Variants in ZMIZ1 observed in about 807,000 individuals in gnomAD.
The protein encoded by ZMIZ1 is zinc finger MIZ domain-containing protein 1.
A neutral mutation model predicts 113.9 loss-of-function variants in ZMIZ1; 17 were observed. The observed-to-expected ratio is 0.15, with a 90% CI of 0.10 to 0.22. The LOEUF (loss-of-function observed/expected upper bound fraction) is 0.22. Ranked by LOEUF, ZMIZ1 falls within the 10% of genes least tolerant of loss-of-function variation. The probability of loss-of-function intolerance (pLI) is 1.00; values close to 1 mark genes in which losing one functional copy is unlikely to be tolerated. For synonymous variants in ZMIZ1, 607 were observed against 603.1 expected (o/e 1.01, Z -0.09); for missense variants, 1,059 against 1,477.8 (o/e 0.72, Z 4.65).
intron 2 of ZMIZ1, among the ~76,000 whole-genome samples, chr10:79,121,704 A>C (rs1031772112): frequency 5.3e-5 from 8 of 152,278 alleles, no homozygotes; most frequent in Admixed American, 3.3e-4. Context: ...CAGCACAGGG[A>C]GCCAAGGTTC....
chr10:79,298,437 C>T lies in ZMIZ1; in HGVS notation c.1523C>T (p.Pro508Leu). The T allele has an allele frequency of 6.2e-7, 1 of 1,609,842 alleles. No homozygotes were observed. The highest frequency in any genetic ancestry group is 8.5e-7 in the Non-Finnish European group (1 of 1,178,076). ...AGGCCGGTTCCTGTGGCAAATTACC[C>T]CCACTCACCTGTTCCAGGGAACCCC... ...PPRPVPVANY[P>L]HSPVPGNPTP... The change falls in exon 15 of 25, where the codon CCC becomes CTC. Residue 508 changes from proline (P) to leucine (L), a missense_variant. By Grantham distance (98) the Pro-to-Leu change is moderately conservative. This residue lies in a region of ZMIZ1 where 239 missense variants were observed against 247.5 expected (regional missense o/e 0.97). Coordinates refer to ENST00000334512, the MANE Select transcript of ZMIZ1 (RefSeq NM_020338.4).
chr10:79,303,954 A>AC, intron 18 of ZMIZ1, 61 bp from the exon 19 acceptor site: 3 of 1,603,060 alleles, frequency 1.9e-6, no homozygotes, highest in Non-Finnish European at 8.5e-7. Context: ...GCACGTGCAG[A>AC]CCCCCTACCT....
chr10:79,072,953 C>T (rs78189505), intron 1 of ZMIZ1, among the ~76,000 whole-genome samples: 4,508 of 152,288 alleles, frequency 0.03, 110 homozygotes, highest in Middle Eastern at 0.048. Context: ...GGCAGCAATC[C>T]ACCTGGCTGT....
intron 12 of ZMIZ1, chr10:79,294,441 A>G (rs1418269583): frequency 1.3e-5 from 2 of 152,410 alleles, no homozygotes; most frequent in Non-Finnish European, 2.9e-5. Context: ...GTGAGGTTTT[A>G]GCAGGAAAGA....
intron 12 of ZMIZ1, chr10:79,295,759 G>C (rs1372140121): frequency 1.3e-5 from 2 of 152,288 alleles, no homozygotes; most frequent in Non-Finnish European, 2.9e-5. Flanking sequence ...CTGGGCAAGA[G>C]AGACACTCAG....
intron 1 of ZMIZ1, among the ~76,000 whole-genome samples, chr10:79,110,182 A>G (rs1279367954): frequency 5.9e-5 from 9 of 152,226 alleles, no homozygotes; most frequent in Non-Finnish European, 1.3e-4. Flanking sequence ...TAGATTCCTC[A>G]TCTTTCCAGC....
chr10:79,100,081 C>A (rs1472401078), intron 1 of ZMIZ1, among the ~76,000 whole-genome samples: 2 of 152,100 alleles, frequency 1.3e-5, no homozygotes, highest in Non-Finnish European at 2.9e-5. Flanking sequence ...CCCTGGATGA[C>A]TGGTCCTGGC....
At position 79,231,945 on chromosome 10, in the gene ZMIZ1, T is replaced by C. The variant is rs114640720; in HGVS notation, c.280+15671T>C. Among the ~76,000 whole-genome samples the C allele has an allele frequency of 8.8e-3, 1,343 of 152,328 alleles. 26 individuals are homozygous for C. The highest frequency in any genetic ancestry group is 0.03 in the African/African-American group (1,266 of 41,570). On this transcript the variant is annotated intron_variant, in intron 7 of 24. Transcript: ENST00000334512. ...AGTCCAGTGAGACTGAGGCTGGCTC[T>C]TGGGTGGCCAGTGGAGGCACTGGGC...
chr10:79,281,270 C>T (rs1016362716), intron 8 of ZMIZ1, among the ~76,000 whole-genome samples: 18 of 152,282 alleles, frequency 1.2e-4, no homozygotes, highest in African/African-American at 4.3e-4. Flanking sequence ...AAATAAGACT[C>T]ACTGGGGCCA....
intron 1 of ZMIZ1, among the ~76,000 whole-genome samples, chr10:79,093,117 A>G (rs1843034826): frequency 8.0e-6 from 1 of 125,726 alleles, no homozygotes. Context: ...TATTCTTTCT[A>G]CCACCCCCCC....
At chr10:79,242,059 A>T (rs1589469361) in intron 7 of ZMIZ1, among the ~76,000 whole-genome samples, 1 of 151,922 alleles carries the variant, frequency 6.6e-6, no homozygotes, top group Non-Finnish European at 1.5e-5. Context: ...TATAAAATAC[A>T]GTTTCTCCCG....
intron 5 of ZMIZ1, among the ~76,000 whole-genome samples, chr10:79,204,023 A>G (rs1848212263): frequency 6.6e-6 from 1 of 152,234 alleles, no homozygotes. Flanking sequence ...ATCTCCGGTC[A>G]GACACAGCTC....
intron 1 of ZMIZ1, among the ~76,000 whole-genome samples, chr10:79,092,092 TG>T (rs1022898416): frequency 6.6e-6 from 1 of 152,110 alleles, no homozygotes; most frequent in Non-Finnish European, 1.5e-5. Flanking sequence ...CAGCAGCAGC[TG>T]GGGCTTCTGA....
At chr10:79,116,878 T>A (rs1358007107) in intron 1 of ZMIZ1, among the ~76,000 whole-genome samples, 1 of 152,258 alleles carries the variant, frequency 6.6e-6, no homozygotes, top group Non-Finnish European at 1.5e-5. Flanking sequence ...TGCTGTGAGT[T>A]ATCTCCTGCT....
chr10:79,230,752 T>A (rs1849363986), intron 7 of ZMIZ1, among the ~76,000 whole-genome samples: 1 of 152,156 alleles, frequency 6.6e-6, no homozygotes, highest in Non-Finnish European at 1.5e-5. Flanking sequence ...TGTCCGCCCG[T>A]GTGGAAGCGC....
chr10:79,180,934 C>T (rs1847097830), intron 4 of ZMIZ1, among the ~76,000 whole-genome samples: 1 of 152,238 alleles, frequency 6.6e-6, no homozygotes, highest in South Asian at 2.1e-4. Flanking sequence ...GCCCTCCCGC[C>T]ATGGCCTGTG....
intron 3 of ZMIZ1, among the ~76,000 whole-genome samples, chr10:79,142,359 C>T (rs994123204): frequency 8.5e-5 from 13 of 152,154 alleles, no homozygotes; most frequent in African/African-American, 1.7e-4. Context: ...GAGTGTGTGG[C>T]GCTTGAGAGG....
intron 3 of ZMIZ1, among the ~76,000 whole-genome samples, chr10:79,153,553 G>A (rs1181958501): frequency 6.6e-6 from 1 of 152,270 alleles, no homozygotes; most frequent in African/African-American, 2.4e-5. Context: ...CAGGTCCCCT[G>A]CAGACCACCA....
At chr10:79,166,000 G>GTGTC (rs36040251) in intron 4 of ZMIZ1, among the ~76,000 whole-genome samples, 10,067 of 115,426 alleles carry the variant, frequency 0.087, 1,015 homozygotes, top group East Asian at 0.23. Flanking sequence ...GTGTGTGTGT[G>GTGTC]TGGGCTCTCC....
Sources: gnomAD v4.1 joint callset for allele counts (sites outside exome capture counted in the v4.1 genomes callset) on GRCh38, gnomAD v4.1.1 for gene constraint, gnomAD v4.1.1 regional missense constraint, MANE v1.5 for transcripts, NCBI Gene and HGNC (gene_info 2026-07-23, HGNC 2026-07-21) for gene names.